HS6ST2: variants seen among roughly 807,000 people sequenced by gnomAD.
The protein encoded by HS6ST2 is heparan sulfate 6-O-sulfotransferase 2, also known as heparan-sulfate 6-O-sulfotransferase 2.
A neutral mutation model predicts 33.0 loss-of-function variants in HS6ST2; 17 were observed. That is an observed-to-expected ratio of 0.52 (90% CI 0.35 to 0.77). HS6ST2 has a LOEUF of 0.77. Among genes scored for constraint, HS6ST2 ranks in the 30% least tolerant of loss-of-function variants. The pLI is 0.01. For missense variants in HS6ST2, 519 were observed against 551.7 expected, an observed-to-expected ratio of 0.94 and a Z score of 0.59; for synonymous variants, 248 against 237.1, an observed-to-expected ratio of 1.05 and a Z score of -0.42.
At chrX:132,856,705 G>C (rs2065855214) in intron 2 of HS6ST2, among the ~76,000 whole-genome samples, 1 of 111,089 alleles carries the variant, frequency 9.0e-6, no homozygotes, top group East Asian at 2.8e-4. Context: ...AAAAAAGAAA[G>C]ATGTAAAAAC....
intron 2 of HS6ST2, among the ~76,000 whole-genome samples, chrX:132,833,851 G>A (rs1157960996): frequency 5.5e-5 from 6 of 109,234 alleles, no homozygotes; most frequent in South Asian, 4.1e-4. Context: ...TATGTGCCAC[G>A]CTGGTGTGCT....
intron 2 of HS6ST2, among the ~76,000 whole-genome samples, chrX:132,825,100 G>T (rs1487783931): frequency 8.9e-6 from 1 of 111,798 alleles, no homozygotes; most frequent in African/African-American, 3.3e-5. Context: ...CCTGATGTGG[G>T]CCCAAGCTCT....
At chrX:132,630,781 T>C (rs977219987) in intron 4 of HS6ST2, among the ~76,000 whole-genome samples, 2 of 110,460 alleles carry the variant, frequency 1.8e-5, no homozygotes, top group African/African-American at 6.6e-5. Flanking sequence ...ACCCCATCTG[T>C]TAAAAATACA....
rs938082074 is a variant in HS6ST2 at position 132,680,052 on chromosome X, T to A, written c.981-10853A>T. Among the ~76,000 whole-genome samples, 7 of 104,427 alleles carry A rather than the reference T, an allele frequency of 6.7e-5. No individual in the cohort carries two copies. The South Asian group carries it at 3.2e-3, about 48-fold the overall frequency. The allele number at this position is 104,427 out of a possible 115,157, so 90.7% of individuals were successfully genotyped here. A position where few individuals can be genotyped will look rare whatever the true frequency, so the allele number is the denominator to read the frequency against. ...TCACAGGGTCCTGAGGTGACATACA[T>A]CCTCCTCGGCTTACGAGATGACGAT... is the stretch of plus-strand genomic sequence containing the variant. On this transcript the variant is annotated intron_variant, in intron 3 of 4. Transcript: ENST00000370833.
Position 132,861,380 on chromosome X carries a change from G to A in HS6ST2, c.947+95428C>T, listed in dbSNP as rs1170185070. ...ATATGGCCTTTCCTCTACTTTAAAG[G>A]TTTGATGGTAAAAGGAGGTGAATTT... On this transcript the variant is annotated intron_variant, in intron 2 of 4. Coordinates refer to ENST00000370833, the MANE Select transcript of HS6ST2 (RefSeq NM_001394073.1). 2.7e-5 allele frequency among the ~76,000 whole-genome samples: 3 copies of A among 111,505 alleles called. No individual in the cohort carries two copies. In the South Asian group the frequency reaches 1.1e-3, roughly 42 times the overall value.
At chrX:132,849,969 T>C (rs1024332433) in intron 2 of HS6ST2, among the ~76,000 whole-genome samples, 1 of 112,031 alleles carries the variant, frequency 8.9e-6, no homozygotes, top group Non-Finnish European at 1.9e-5. Flanking sequence ...CAAGATCACA[T>C]AGCATGAAAC....
chrX:132,808,160 A>C (rs1196530763), intron 2 of HS6ST2, among the ~76,000 whole-genome samples: 1 of 111,538 alleles, frequency 9.0e-6, no homozygotes, highest in African/African-American at 3.3e-5. Context: ...AAGACACAGG[A>C]TGAATAAAAA....
At chrX:132,874,503 G>C (rs2066091816) in intron 2 of HS6ST2, among the ~76,000 whole-genome samples, 1 of 111,601 alleles carries the variant, frequency 9.0e-6, no homozygotes, top group Admixed American at 9.5e-5. Flanking sequence ...TTGAACCCGG[G>C]AGGCCGAGGT....
intron 2 of HS6ST2, among the ~76,000 whole-genome samples, chrX:132,932,185 C>CAAAA (rs61033088): frequency 1.4e-5 from 1 of 73,745 alleles, no homozygotes. Context: ...GACTCCACCT[C>CAAAA]AAAAAAAAAA....
intron 4 of HS6ST2, among the ~76,000 whole-genome samples, chrX:132,653,716 T>C (rs1350647051): frequency 8.9e-6 from 1 of 111,897 alleles, no homozygotes; most frequent in African/African-American, 3.2e-5. Context: ...GTCATTGGAA[T>C]CTGCCTTAAA....
In HS6ST2 at chrX:132,694,112, T is replaced by C. The variant is rs750336243; in HGVS notation, c.980+14350A>G. ...TGGTGCCAGGCACTGTGGAGGGTAC[T>C]AGACAGACAAAAATGAATGAGACAA... On this transcript the variant is annotated intron_variant, in intron 3 of 4. Coordinates refer to ENST00000370833, the MANE Select transcript of HS6ST2 (RefSeq NM_001394073.1). 1.2e-4 allele frequency among the ~76,000 whole-genome samples: 13 copies of C among 111,733 alleles called. No homozygotes were observed. The East Asian group carries it at 2.8e-3, about 24-fold the overall frequency.
intron 2 of HS6ST2, among the ~76,000 whole-genome samples, chrX:132,821,968 G>A (rs1001964565): frequency 9.1e-6 from 1 of 110,110 alleles, no homozygotes; most frequent in Non-Finnish European, 1.9e-5. Context: ...TCCAGCCTGG[G>A]TGACAGAGCC....
intron 2 of HS6ST2, among the ~76,000 whole-genome samples, chrX:132,797,513 C>G (rs1041095576): frequency 4.5e-5 from 5 of 112,298 alleles, no homozygotes; most frequent in African/African-American, 1.6e-4. Context: ...GTAAAGCTGT[C>G]ACTTTAAGAC....
At position 132,629,004 on chromosome X, in the gene HS6ST2, G is replaced by T. The variant is rs369640940; in HGVS notation, c.1157C>A (p.Ala386Glu). The T allele has an allele frequency of 1.7e-6, 2 of 1,207,751 alleles. No homozygotes were observed. The highest frequency in any genetic ancestry group is 2.2e-6 in the Non-Finnish European group (2 of 893,507). ...CCTTCCATCGCAGACATGCAGGGAT[G>T]CTTTCCATGTTGCCCCTCTCTGGAC... ...RHVQRGATWKASLHVCDGRPP... is the reference protein window; with the variant it reads ...RHVQRGATWKESLHVCDGRPP... The change falls in exon 5 of 5, where the codon GCA becomes GAA. Residue 386 changes from alanine to glutamate, a missense_variant. By Grantham distance (107) the Ala-to-Glu change is moderately radical. Transcript: ENST00000370833.
intron 2 of HS6ST2, among the ~76,000 whole-genome samples, chrX:132,841,844 C>T (rs971697232): frequency 1.8e-5 from 2 of 111,805 alleles, no homozygotes; most frequent in South Asian, 7.5e-4. Flanking sequence ...CTAGGTTAAA[C>T]ATTTTCTCTG....
At chrX:132,772,512 A>G (rs1273278893) in intron 2 of HS6ST2, among the ~76,000 whole-genome samples, 1 of 106,376 alleles carries the variant, frequency 9.4e-6, no homozygotes, top group Non-Finnish European at 1.9e-5. Context: ...TAATTAATAT[A>G]TGTATATATT....
At chrX:132,739,749 G>A (rs1417910615) in intron 2 of HS6ST2, among the ~76,000 whole-genome samples, 4 of 109,975 alleles carry the variant, frequency 3.6e-5, no homozygotes, top group Non-Finnish European at 7.6e-5. Context: ...GTACAAAGAG[G>A]AGATATGATT....
intron 2 of HS6ST2, among the ~76,000 whole-genome samples, chrX:132,772,760 A>G (rs1206440943): frequency 1.1e-5 from 1 of 93,227 alleles, no homozygotes; most frequent in Non-Finnish European, 2.0e-5. Context: ...TACTTAATAT[A>G]ATATATAATA....
intron 2 of HS6ST2, among the ~76,000 whole-genome samples, chrX:132,735,604 A>G (rs1237249405): frequency 9.0e-6 from 1 of 111,456 alleles, no homozygotes; most frequent in Admixed American, 9.5e-5. Context: ...GTCAATCACT[A>G]CAGCTTAAAC....
Sources: allele counts gnomAD v4.1 joint callset (sites outside exome capture counted in the v4.1 genomes callset), GRCh38; gene constraint gnomAD v4.1.1; transcripts MANE v1.5; gene names NCBI Gene and HGNC (gene_info 2026-07-23, HGNC 2026-07-21).